Variants in ATP10D observed in about 807,000 individuals in gnomAD.
ATP10D encodes phospholipid-transporting ATPase VD.
In ATP10D, 89 loss-of-function variants were observed where a neutral mutation model predicts 144.8. The ratio of observed to expected loss-of-function variants is 0.61; its 90% CI spans 0.52 to 0.73. ATP10D has a LOEUF of 0.73. ATP10D is among the 30% of genes least tolerant of loss of function. The pLI is 0.00. For missense variants in ATP10D, 1,603 were observed against 1,714.8 expected, an observed-to-expected ratio of 0.93 and a Z score of 1.15; for synonymous variants, 571 against 615.1, an observed-to-expected ratio of 0.93 and a Z score of 1.06.
intron 18 of ATP10D, 121 bp downstream of exon 18, chr4:47,573,118 C>T (rs917142862): frequency 8.1e-7 from 1 of 1,227,000 alleles, no homozygotes; most frequent in Admixed American, 2.1e-5. Context: ...TTGGGAACAG[C>T]CAGGACTGGT....
chr4:47,534,279 A>G (rs924353980), intron 5 of ATP10D, among the ~76,000 whole-genome samples: 2 of 152,180 alleles, frequency 1.3e-5, no homozygotes, highest in African/African-American at 4.8e-5. Flanking sequence ...GTGATGTTTA[A>G]CATGTTTCTC....
In ATP10D at chr4:47,554,748, C is replaced by T. The variant is rs545511405; in HGVS notation, c.1658C>T (p.Thr553Ile). 10 of 1,612,946 alleles carry T rather than the reference C, an allele frequency of 6.2e-6. No homozygotes were observed. The East Asian group carries it at 2.2e-4, about 36-fold the overall frequency. The change falls in exon 11 of 23, where the codon ACC becomes ATC. Residue 553 changes from threonine (T) to isoleucine (I), a missense_variant. By Grantham distance (89) the Thr-to-Ile change is moderately conservative. Coordinates refer to ENST00000273859, the MANE Select transcript of ATP10D (RefSeq NM_020453.4). ...CAGGAAACAGACGTGGTACCAGACACCAGGCTTTTAGACAAATTTAGTCAG... is the reference window on the plus strand; with the variant it reads ...CAGGAAACAGACGTGGTACCAGACATCAGGCTTTTAGACAAATTTAGTCAG... ...SPIETDVVPDTRLLDKFSQIT... is the reference protein window; with the variant it reads ...SPIETDVVPDIRLLDKFSQIT...
chr4:47,565,028 G>A (rs1432357548), intron 15 of ATP10D, among the ~76,000 whole-genome samples: 2 of 152,174 alleles, frequency 1.3e-5, no homozygotes, highest in African/African-American at 4.8e-5. Flanking sequence ...GCGCGATCTC[G>A]GCTCACTGCA....
chr4:47,530,360 A>C (rs530001665), intron 5 of ATP10D, among the ~76,000 whole-genome samples: 1 of 152,146 alleles, frequency 6.6e-6, no homozygotes, highest in Admixed American at 6.6e-5. Context: ...TTTTATCATG[A>C]AAGGATATTG....
At chr4:47,581,939 T>A (rs1212953236) in intron 20 of ATP10D, 21 bp from the exon 21 acceptor site, 1 of 1,592,718 alleles carries the variant, frequency 6.3e-7, no homozygotes, top group South Asian at 1.1e-5. Context: ...TCCAGGATCA[T>A]CTAATGTCCT....
At chr4:47,562,965 G>A (rs1443435298) in intron 14 of ATP10D, among the ~76,000 whole-genome samples, 2 of 152,092 alleles carry the variant, frequency 1.3e-5, no homozygotes, top group Non-Finnish European at 2.9e-5. Context: ...AAATAACCCA[G>A]AAACAGAAAG....
intron 11 of ATP10D, 118 bp from the exon 12 acceptor site, chr4:47,557,546 G>C: frequency 9.6e-7 from 1 of 1,037,198 alleles, no homozygotes; most frequent in Admixed American, 2.9e-5. Context: ...AGAATGGGCT[G>C]CTAGCCATTT....
chr4:47,525,914 T>A (rs1255838536), intron 5 of ATP10D, among the ~76,000 whole-genome samples: 1 of 152,248 alleles, frequency 6.6e-6, no homozygotes. Flanking sequence ...TTACCTAATT[T>A]CAGGCATCAG....
intron 3 of ATP10D, among the ~76,000 whole-genome samples, chr4:47,522,164 A>G (rs1716975903): frequency 6.6e-6 from 1 of 152,246 alleles, no homozygotes; most frequent in Non-Finnish European, 1.5e-5. Context: ...AACATGACAC[A>G]TGACATTCTA....
At chr4:47,546,910 T>C (rs1371068035) in intron 10 of ATP10D, 48 bp downstream of exon 10, 2 of 1,525,852 alleles carry the variant, frequency 1.3e-6, no homozygotes, top group African/African-American at 1.4e-5. Flanking sequence ...CAATGTATGA[T>C]GAGAGAACAG....
chr4:47,538,119 A>AT (rs1717944041), intron 9 of ATP10D, among the ~76,000 whole-genome samples: 1 of 152,082 alleles, frequency 6.6e-6, no homozygotes, highest in Non-Finnish European at 1.5e-5. Context: ...AATCTGTGTG[A>AT]TTTTTACAGA....
At chr4:47,521,562 C>A (rs540991351) in intron 3 of ATP10D, among the ~76,000 whole-genome samples, 1 of 152,272 alleles carries the variant, frequency 6.6e-6, no homozygotes, top group South Asian at 2.1e-4. Context: ...AAAATCCATT[C>A]ATTACTCTGT....
intron 13 of ATP10D, chr4:47,560,142 T>G (rs1218013923): frequency 1.3e-5 from 2 of 152,150 alleles, no homozygotes; most frequent in African/African-American, 4.8e-5. Flanking sequence ...GGTGTCAGAT[T>G]CTCTCAAATC....
At chr4:47,583,925 C>A (rs890105850) in intron 21 of ATP10D, among the ~76,000 whole-genome samples, 1 of 152,142 alleles carries the variant, frequency 6.6e-6, no homozygotes, top group Non-Finnish European at 1.5e-5. Context: ...CATTTATTTT[C>A]TTTCTGCTCT....
intron 21 of ATP10D, among the ~76,000 whole-genome samples, chr4:47,584,324 A>T (rs762061788): frequency 7.2e-5 from 11 of 152,050 alleles, no homozygotes; most frequent in Non-Finnish European, 1.2e-4. Context: ...TAAATGTATA[A>T]ACTCTATGAA....
At chr4:47,524,794 A>G (rs1278088293) in intron 4 of ATP10D, among the ~76,000 whole-genome samples, 1 of 152,222 alleles carries the variant, frequency 6.6e-6, no homozygotes, top group Non-Finnish European at 1.5e-5. Context: ...TGCATAATAG[A>G]TTTTAGTGCG....
chr4:47,493,241 C>T (rs1348817924), intron 1 of ATP10D, among the ~76,000 whole-genome samples: 1 of 152,130 alleles, frequency 6.6e-6, no homozygotes, highest in Non-Finnish European at 1.5e-5. Flanking sequence ...AGATTAGCTG[C>T]ATAAAAATCA....
At chr4:47,515,764 C>A in intron 3 of ATP10D, 94 bp downstream of exon 3, 1 of 973,532 alleles carries the variant, frequency 1.0e-6, no homozygotes. Flanking sequence ...GACCAGGACC[C>A]TTTTGTGGTG....
rs575820420 is a variant in ATP10D at position 47,514,276 on chromosome 4, C to A, written c.291-1200C>A. The stretch of plus-strand genomic sequence containing the variant: ...ATTTGTTGAATTAATGGCTATGTAG[C>A]CCTATGTGTGTTTCATTCTTTTATG... On this transcript the variant is annotated intron_variant, in intron 2 of 22. Coordinates refer to ENST00000273859, the MANE Select transcript of ATP10D (RefSeq NM_020453.4). 5.9e-5 allele frequency among the ~76,000 whole-genome samples: 9 copies of A among 152,168 alleles called. No homozygotes were observed. In the East Asian group the frequency reaches 1.7e-3, roughly 29 times the overall value.
Sources: allele counts gnomAD v4.1 joint callset (sites outside exome capture counted in the v4.1 genomes callset), GRCh38; gene constraint gnomAD v4.1.1; transcripts MANE v1.5; gene names NCBI Gene and HGNC (gene_info 2026-07-23, HGNC 2026-07-21).